Variants in AKAP19 observed in about 807,000 individuals in gnomAD.
The protein encoded by AKAP19 is small A-kinase anchoring protein.
chr2:190,076,162 T>C, the AKAP19 span, among the ~76,000 whole-genome samples: 2 of 152,234 alleles, frequency 1.3e-5, no homozygotes, highest in Non-Finnish European at 2.9e-5. Context: ...TATTTTCCAG[T>C]GCTCTTCATT....
the AKAP19 span, among the ~76,000 whole-genome samples, chr2:190,007,377 G>A: frequency 6.6e-6 from 1 of 152,168 alleles, no homozygotes; most frequent in Non-Finnish European, 1.5e-5. Flanking sequence ...TGCACTCTGG[G>A]CTCCATAAAT....
the AKAP19 span, among the ~76,000 whole-genome samples, chr2:189,953,593 C>A: frequency 2.1e-5 from 3 of 144,314 alleles, no homozygotes; most frequent in South Asian, 2.2e-4. Flanking sequence ...CAGATTGCAC[C>A]ATTGCACTCC....
the AKAP19 span, among the ~76,000 whole-genome samples, chr2:190,123,567 C>G: frequency 5.3e-5 from 8 of 152,124 alleles, no homozygotes; most frequent in African/African-American, 1.9e-4. Context: ...CAGAAAATGT[C>G]AAATTATCTC....
At chr2:190,172,355 G>A in the AKAP19 span, among the ~76,000 whole-genome samples, 1 of 151,974 alleles carries the variant, frequency 6.6e-6, no homozygotes. Context: ...TATCTCTGTG[G>A]CTGGCTCTAT....
the AKAP19 span, chr2:190,062,649 T>C: frequency 1.9e-6 from 3 of 1,575,112 alleles, no homozygotes; most frequent in Non-Finnish European, 2.6e-6. Context: ...TCCTTTTACT[T>C]TTCTTTTGCT....
the AKAP19 span, among the ~76,000 whole-genome samples, chr2:190,097,859 C>CAA: frequency 0.051 from 3,245 of 64,044 alleles, 72 homozygotes; most frequent in East Asian, 0.087. Flanking sequence ...TGGTTTCTAC[C>CAA]AAAAAAAAAA....
the AKAP19 span, among the ~76,000 whole-genome samples, chr2:189,905,734 A>G: frequency 6.6e-6 from 1 of 152,056 alleles, no homozygotes; most frequent in South Asian, 2.1e-4. Flanking sequence ...GGGCAAAAGA[A>G]AGCTTGGGAA....
chr2:189,950,441 G>T, the AKAP19 span, among the ~76,000 whole-genome samples: 1 of 150,576 alleles, frequency 6.6e-6, no homozygotes, highest in Admixed American at 6.6e-5. Context: ...AACTGATTGT[G>T]AAGAGTCAAT....
the AKAP19 span, among the ~76,000 whole-genome samples, chr2:189,990,401 C>T: frequency 2.0e-5 from 3 of 151,970 alleles, no homozygotes; most frequent in Admixed American, 6.6e-5. Context: ...TGGTTTTTGT[C>T]GTTTATTCTA....
chr2:189,923,727 C>T, the AKAP19 span: 1 of 1,611,036 alleles, frequency 6.2e-7, no homozygotes, highest in Non-Finnish European at 8.5e-7. Context: ...GCACGTGTAC[C>T]TCCTCCTCCT....
chr2:190,085,642 T>G, the AKAP19 span, among the ~76,000 whole-genome samples: 1 of 152,234 alleles, frequency 6.6e-6, no homozygotes, highest in Non-Finnish European at 1.5e-5. Flanking sequence ...CCTGAACAAC[T>G]TATCACATAG....
the AKAP19 span, among the ~76,000 whole-genome samples, chr2:190,142,129 C>T: frequency 1.3e-5 from 2 of 152,156 alleles, no homozygotes; most frequent in East Asian, 3.9e-4. Context: ...TTGGTTCCAA[C>T]TGATTTCAGC....
At chr2:190,021,812 G>A in the AKAP19 span, among the ~76,000 whole-genome samples, 1 of 152,126 alleles carries the variant, frequency 6.6e-6, no homozygotes, top group Non-Finnish European at 1.5e-5. Context: ...TCCTTTTTAG[G>A]TGTTGCCTTA....
the AKAP19 span, among the ~76,000 whole-genome samples, chr2:190,168,984 G>T: frequency 1.3e-5 from 2 of 152,158 alleles, no homozygotes; most frequent in Non-Finnish European, 2.9e-5. Flanking sequence ...CTTTTCAGCA[G>T]TGCCCCATTC....
At chr2:190,187,776 C>T in the AKAP19 span, among the ~76,000 whole-genome samples, 1 of 152,182 alleles carries the variant, frequency 6.6e-6, no homozygotes, top group East Asian at 1.9e-4. Context: ...ATAGTTTGAA[C>T]CCAGGAGTTC....
At chr2:190,133,893 GAAAT>G in the AKAP19 span, among the ~76,000 whole-genome samples, 1 of 152,112 alleles carries the variant, frequency 6.6e-6, no homozygotes, top group Non-Finnish European at 1.5e-5. Context: ...TCGGTTATGA[GAAAT>G]AAATTCAAGA....
At chr2:190,120,224 C>T in the AKAP19 span, among the ~76,000 whole-genome samples, 6 of 152,214 alleles carry the variant, frequency 3.9e-5, no homozygotes, top group South Asian at 1.2e-3. Context: ...TGGGAGGGAT[C>T]CAGGTTTCGC....
chr2:190,188,473 CA>C, the AKAP19 span, among the ~76,000 whole-genome samples: 4 of 152,212 alleles, frequency 2.6e-5, no homozygotes, highest in South Asian at 8.3e-4. Flanking sequence ...CCCAACCTGA[CA>C]AATGAATAAC....
At chr2:190,102,443 C>G in the AKAP19 span, among the ~76,000 whole-genome samples, 1 of 151,930 alleles carries the variant, frequency 6.6e-6, no homozygotes, top group Admixed American at 6.6e-5. Flanking sequence ...AGACTGCTTG[C>G]TAGATTAACA....
Sources: allele counts gnomAD v4.1 joint callset (sites outside exome capture counted in the v4.1 genomes callset), GRCh38; gene constraint gnomAD v4.1.1; transcripts MANE v1.5; gene names NCBI Gene and HGNC (gene_info 2026-07-23, HGNC 2026-07-21).